MACROD2: variants seen among roughly 807,000 people sequenced by gnomAD.
MACROD2 encodes the protein mono-ADP ribosylhydrolase 2.
A neutral mutation model predicts 70.4 loss-of-function variants in MACROD2; 36 were observed. The ratio of observed to expected loss-of-function variants is 0.51; its 90% CI spans 0.39 to 0.68. The LOEUF is 0.68. Ranked by LOEUF, MACROD2 falls within the 30% of genes least tolerant of loss-of-function variation. The pLI, the probability that MACROD2 is intolerant of heterozygous loss-of-function variation, is 0.00. For synonymous variants in MACROD2, 172 were observed against 178.8 expected (o/e 0.96, Z 0.30); for missense variants, 496 against 538.4 (o/e 0.92, Z 0.78).
intron 4 of MACROD2, among the ~76,000 whole-genome samples, chr20:14,557,244 A>G (rs1385436609): frequency 2.6e-5 from 4 of 151,982 alleles, no homozygotes; most frequent in African/African-American, 9.7e-5. Context: ...TCATAGATCT[A>G]AGTGGAAGAA....
intron 5 of MACROD2, among the ~76,000 whole-genome samples, chr20:15,118,129 G>A (rs1239137434): frequency 1.3e-5 from 2 of 151,810 alleles, no homozygotes; most frequent in Non-Finnish European, 2.9e-5. Flanking sequence ...ATCCAAAAAA[G>A]CTGTTAATTT....
intron 6 of MACROD2, among the ~76,000 whole-genome samples, chr20:15,388,464 A>G (rs913831584): frequency 1.3e-5 from 2 of 152,222 alleles, no homozygotes; most frequent in East Asian, 3.8e-4. Flanking sequence ...GACATATTAC[A>G]TACAAGATGC....
chr20:15,845,158 C>T (rs73099246), intron 8 of MACROD2, among the ~76,000 whole-genome samples: 23,924 of 151,950 alleles, frequency 0.16, 2,368 homozygotes, highest in Non-Finnish European at 0.22. Flanking sequence ...GGAATAGAAC[C>T]TTTGCAGATA....
intron 4 of MACROD2, among the ~76,000 whole-genome samples, chr20:14,592,913 A>G (rs568557996): frequency 6.6e-6 from 1 of 152,152 alleles, no homozygotes; most frequent in Non-Finnish European, 1.5e-5. Context: ...CATTACTGAG[A>G]TAGTTTAAGT....
chr20:14,462,608 C>A (rs1420051859), intron 3 of MACROD2, among the ~76,000 whole-genome samples: 2 of 151,966 alleles, frequency 1.3e-5, no homozygotes, highest in Non-Finnish European at 2.9e-5. Context: ...AAGTCCTTGC[C>A]CATGCCTATG....
intron 5 of MACROD2, among the ~76,000 whole-genome samples, chr20:14,875,569 C>A (rs1008066212): frequency 6.6e-6 from 1 of 151,990 alleles, no homozygotes; most frequent in Admixed American, 6.6e-5. Context: ...GTTTGGGGTA[C>A]ATATTATCCC....
intron 12 of MACROD2, among the ~76,000 whole-genome samples, 155 bp from the exon 13 acceptor site, chr20:15,967,398 G>A (rs922210648): frequency 2.0e-5 from 3 of 152,146 alleles, no homozygotes; most frequent in African/African-American, 4.8e-5. Context: ...GAAAAAAAGC[G>A]CCTATTTATT....
At chr20:14,252,627 C>T (rs1184255904) in intron 3 of MACROD2, among the ~76,000 whole-genome samples, 2 of 151,980 alleles carry the variant, frequency 1.3e-5, no homozygotes, top group Non-Finnish European at 2.9e-5. Flanking sequence ...CAGAATCTGG[C>T]ACACACCAAA....
intron 8 of MACROD2, among the ~76,000 whole-genome samples, chr20:15,804,662 C>T (rs1479758443): frequency 1.3e-5 from 2 of 152,142 alleles, no homozygotes; most frequent in African/African-American, 4.8e-5. Context: ...CCCACCCACA[C>T]ATCTAGGTTT....
At chr20:15,146,422 C>T (rs1176575452) in intron 5 of MACROD2, among the ~76,000 whole-genome samples, 1 of 152,100 alleles carries the variant, frequency 6.6e-6, no homozygotes, top group Non-Finnish European at 1.5e-5. Context: ...CTTGGCTTCT[C>T]AGTTTTACAG....
At chr20:14,867,135 T>C (rs1461455110) in intron 5 of MACROD2, among the ~76,000 whole-genome samples, 2 of 152,168 alleles carry the variant, frequency 1.3e-5, no homozygotes, top group African/African-American at 2.4e-5. Flanking sequence ...AGCCCCATTC[T>C]ACTTCTAAGT....
chr20:14,877,040 T>G (rs985606924), intron 5 of MACROD2, among the ~76,000 whole-genome samples: 4 of 151,904 alleles, frequency 2.6e-5, no homozygotes, highest in Admixed American at 1.3e-4. Flanking sequence ...GTGACTGTGT[T>G]TGGGCAGAAT....
At chr20:14,141,843 C>T (rs1164753298) in intron 3 of MACROD2, among the ~76,000 whole-genome samples, 1 of 145,642 alleles carries the variant, frequency 6.9e-6, no homozygotes, top group Non-Finnish European at 1.5e-5. Flanking sequence ...TACCTTATAA[C>T]TTTTATTATT....
At chr20:15,124,740 A>G (rs1174778150) in intron 5 of MACROD2, among the ~76,000 whole-genome samples, 1 of 151,840 alleles carries the variant, frequency 6.6e-6, no homozygotes, top group East Asian at 1.9e-4. Context: ...CATTATTGAA[A>G]TTTTGTCCTT....
intron 8 of MACROD2, among the ~76,000 whole-genome samples, chr20:15,849,172 C>T (rs939057287): frequency 6.6e-6 from 1 of 152,158 alleles, no homozygotes; most frequent in Non-Finnish European, 1.5e-5. Flanking sequence ...ACTGTTGCCA[C>T]CAGAATGCTT....
chr20:14,034,572 A>G (rs1273137917), intron 2 of MACROD2, among the ~76,000 whole-genome samples: 1 of 152,220 alleles, frequency 6.6e-6, no homozygotes, highest in Non-Finnish European at 1.5e-5. Context: ...ATGCAAATGC[A>G]TATTTCTCAG....
chr20:14,979,129 T>A (rs1218147243), intron 5 of MACROD2, among the ~76,000 whole-genome samples: 2 of 150,730 alleles, frequency 1.3e-5, no homozygotes, highest in Non-Finnish European at 3.0e-5. Context: ...TTTTTTTTTT[T>A]TTTAATTTTT....
intron 3 of MACROD2, among the ~76,000 whole-genome samples, chr20:14,398,732 A>G (rs993079600): frequency 3.3e-5 from 5 of 151,910 alleles, no homozygotes; most frequent in Non-Finnish European, 5.9e-5. Context: ...TACTATGTTG[A>G]TTGTTTCTTT....
chr20:15,245,143 A>T (rs2077094520), intron 6 of MACROD2, among the ~76,000 whole-genome samples: 1 of 152,188 alleles, frequency 6.6e-6, no homozygotes, highest in South Asian at 2.1e-4. Context: ...TCATGCCTTC[A>T]TTTATTTTAC....
Sources: allele counts gnomAD v4.1 joint callset (sites outside exome capture counted in the v4.1 genomes callset), GRCh38; gene constraint gnomAD v4.1.1; transcripts MANE v1.5; gene names NCBI Gene and HGNC (gene_info 2026-07-23, HGNC 2026-07-21).